Variants in ATP13A5 observed in about 807,000 individuals in gnomAD.
ATP13A5 encodes ATPase 13A5, also known as probable cation-transporting ATPase 13A5.
In ATP13A5, 149 loss-of-function variants were observed where a neutral mutation model predicts 150.2. The observed-to-expected ratio is 0.99, with a 90% CI of 0.87 to 1.14. The LOEUF (loss-of-function observed/expected upper bound fraction) is 1.14. ATP13A5 is among the 50% of genes most tolerant of loss of function. ATP13A5 has a pLI of 0.00. For synonymous variants in ATP13A5, 497 were observed against 522.2 expected (o/e 0.95, Z 0.66); for missense variants, 1,383 against 1,449.3 (o/e 0.95, Z 0.74).
intron 5 of ATP13A5, among the ~76,000 whole-genome samples, chr3:193,360,548 T>A (rs1712963840): frequency 6.6e-6 from 1 of 152,206 alleles, no homozygotes; most frequent in Non-Finnish European, 1.5e-5. Flanking sequence ...ATATTCTACT[T>A]ATTCTCTTTT....
At chr3:193,292,562 TCTG>T (rs1191283018) in intron 25 of ATP13A5, among the ~76,000 whole-genome samples, 2 of 152,152 alleles carry the variant, frequency 1.3e-5, no homozygotes, top group East Asian at 3.9e-4. Flanking sequence ...GCCCTGTGGC[TCTG>T]CTTTTTGTGA....
Position 193,333,898 on chromosome 3 carries a change from G to A in ATP13A5, c.1124C>T (p.Thr375Ile). Residue 375 changes from threonine to isoleucine, a missense_variant, in exon 11 of 30, where the codon ACA becomes ATA. Transcript: ENST00000342358. ...GGATCTCACTAAGTCCCCTTTGGCT[G>A]TATTGTAACCTACATAAAGATAATC... ...RAVVLQTGYN[T>I]AKGDLVRSIL... The A allele has an allele frequency of 1.9e-6, 3 of 1,613,082 alleles. No individual in the cohort carries two copies. The highest frequency in any genetic ancestry group is 2.2e-5 in the South Asian group (2 of 90,900).
intron 11 of ATP13A5, among the ~76,000 whole-genome samples, chr3:193,332,368 G>A (rs1711667105): frequency 6.6e-6 from 1 of 152,244 alleles, no homozygotes; most frequent in South Asian, 2.1e-4. Flanking sequence ...TTTATTAGCA[G>A]CATGAGAACA....
intron 6 of ATP13A5, among the ~76,000 whole-genome samples, chr3:193,353,417 TAATA>T (rs1712645427): frequency 6.7e-6 from 1 of 149,314 alleles, no homozygotes; most frequent in Admixed American, 6.7e-5. Flanking sequence ...AAAATGAAAA[TAATA>T]AAGCCATTTG....
chr3:193,280,353 C>G (rs1248550984), intron 27 of ATP13A5, among the ~76,000 whole-genome samples: 1 of 152,066 alleles, frequency 6.6e-6, no homozygotes, highest in South Asian at 2.1e-4. Context: ...CCCTGGCCTC[C>G]AATTTTTCTT....
Position 193,276,705 on chromosome 3 carries a change from C to T in ATP13A5, c.3396+45G>A, listed in dbSNP as rs1399192297. Reference sequence around the variant, plus strand: ...ATAAGCACCTGCTGAAAATGAGATCCTTAATTTGTTTATCTTCCTAGAAAA... The same window carrying T: ...ATAAGCACCTGCTGAAAATGAGATCTTTAATTTGTTTATCTTCCTAGAAAA... On this transcript the variant is annotated intron_variant, in intron 29 of 29. Coordinates refer to ENST00000342358, the MANE Select transcript of ATP13A5 (RefSeq NM_198505.4). The T allele has an allele frequency of 1.1e-5, 16 of 1,392,280 alleles. No individual in the cohort carries two copies. The Admixed American group carries it at 3.1e-4, about 27-fold the overall frequency. The allele number at this position is 1,392,280 out of a possible 1,614,324, so 86.2% of individuals were successfully genotyped here. A position where few individuals can be genotyped will look rare whatever the true frequency, so the allele number is the denominator to read the frequency against.
At chr3:193,305,470 T>G in intron 23 of ATP13A5, 89 bp downstream of exon 23, 3 of 1,052,560 alleles carry the variant, frequency 2.9e-6, no homozygotes, top group Non-Finnish European at 4.5e-6. Context: ...TTGCAGCATT[T>G]ATCACTTTAG....
intron 1 of ATP13A5, among the ~76,000 whole-genome samples, chr3:193,371,707 T>C (rs1713448089): frequency 6.6e-6 from 1 of 152,152 alleles, no homozygotes. Context: ...AAATGCAACG[T>C]AGAACCTCCC....
chr3:193,293,412 A>G (rs886404558), intron 25 of ATP13A5, among the ~76,000 whole-genome samples: 2 of 152,042 alleles, frequency 1.3e-5, no homozygotes, highest in Non-Finnish European at 2.9e-5. Context: ...ACAACACATT[A>G]CTCACATTGC....
chr3:193,325,117 C>G, intron 13 of ATP13A5, 103 bp from the exon 14 acceptor site: 1 of 1,155,816 alleles, frequency 8.7e-7, no homozygotes. Context: ...CGTTCATGCT[C>G]AGAACCTTCC....
intron 25 of ATP13A5, among the ~76,000 whole-genome samples, chr3:193,293,809 A>G (rs193188268): frequency 4.1e-4 from 62 of 152,226 alleles, no homozygotes; most frequent in African/African-American, 1.5e-3. Flanking sequence ...AAGGGGACCA[A>G]GACCCAGAAA....
At chr3:193,342,734 C>A (rs1396633784) in intron 9 of ATP13A5, among the ~76,000 whole-genome samples, 3 of 152,260 alleles carry the variant, frequency 2.0e-5, no homozygotes, top group East Asian at 3.9e-4. Flanking sequence ...GGCAGTGAGA[C>A]TTTCTGTGTT....
At chr3:193,337,113 G>A (rs1457967391) in intron 9 of ATP13A5, among the ~76,000 whole-genome samples, 4 of 152,112 alleles carry the variant, frequency 2.6e-5, no homozygotes, top group East Asian at 3.9e-4. Context: ...ATTTGTTGGC[G>A]TTCTTTGTAG....
chr3:193,319,771 C>CA (rs66897485), intron 16 of ATP13A5, among the ~76,000 whole-genome samples: 78,276 of 151,638 alleles, frequency 0.52, 22,487 homozygotes, highest in Non-Finnish European at 0.65. Flanking sequence ...GATCAGGGGT[C>CA]AAAAAAACAA....
intron 28 of ATP13A5, among the ~76,000 whole-genome samples, chr3:193,278,872 A>C (rs1191273232): frequency 6.6e-6 from 1 of 152,224 alleles, no homozygotes; most frequent in Admixed American, 6.5e-5. Context: ...TCCAAGAATT[A>C]GTTCAATAGC....
intron 12 of ATP13A5, among the ~76,000 whole-genome samples, chr3:193,330,099 C>T (rs1355608359): frequency 6.6e-6 from 1 of 152,128 alleles, no homozygotes; most frequent in Non-Finnish European, 1.5e-5. Context: ...ATGCAGTGGG[C>T]CCCTTGTACC....
chr3:193,370,374 A>G (rs1296392797), intron 1 of ATP13A5, among the ~76,000 whole-genome samples: 1 of 152,114 alleles, frequency 6.6e-6, no homozygotes, highest in African/African-American at 2.4e-5. Context: ...CCTTTGCTCC[A>G]CTATTTACCA....
intron 18 of ATP13A5, 52 bp from the exon 19 acceptor site, chr3:193,314,245 A>G (rs761381272): frequency 1.9e-6 from 3 of 1,578,128 alleles, no homozygotes; most frequent in Non-Finnish European, 1.7e-6. Flanking sequence ...CCCCTCAGCA[A>G]CAAGAACTGA....
chr3:193,339,626 C>T (rs1321160772), intron 9 of ATP13A5, among the ~76,000 whole-genome samples: 1 of 152,116 alleles, frequency 6.6e-6, no homozygotes, highest in Non-Finnish European at 1.5e-5. Flanking sequence ...GTTCCCTATG[C>T]CATTTTCTTT....
Sources: gnomAD v4.1 joint callset for allele counts (sites outside exome capture counted in the v4.1 genomes callset) on GRCh38, gnomAD v4.1.1 for gene constraint, MANE v1.5 for transcripts, NCBI Gene and HGNC (gene_info 2026-07-23, HGNC 2026-07-21) for gene names.